Variants in GON4L observed in about 807,000 individuals in gnomAD.
GON4L encodes the protein gon-4 like, also known as GON-4-like protein.
Under a neutral mutation model 211.8 loss-of-function variants are expected in GON4L, and 87 were observed. The observed-to-expected ratio is 0.41, with a 90% CI of 0.35 to 0.49. The LOEUF is 0.49. Among genes scored for constraint, GON4L ranks in the 20% least tolerant of loss-of-function variants. GON4L has a pLI of 0.15. For missense variants in GON4L, 2,155 were observed against 2,659.5 expected (o/e 0.81, Z 4.17); for synonymous variants, 875 against 962.6 (o/e 0.91, Z 1.68).
At chr1:155,831,075 G>A (rs1669714665) in intron 2 of GON4L, among the ~76,000 whole-genome samples, 1 of 152,108 alleles carries the variant, frequency 6.6e-6, no homozygotes, top group East Asian at 1.9e-4. Context: ...GAGGTGGACA[G>A]GTCACTTGAG....
Position 155,765,566 on chromosome 1 carries a change from C to T in GON4L, c.3907G>A (p.Glu1303Lys). The change falls in exon 21 of 32, where the codon GAG (glutamate) becomes AAG (lysine). Residue 1303 changes from glutamate to lysine, a missense_variant. By Grantham distance (56) the Glu-to-Lys change is moderately conservative (BLOSUM62 1). Coordinates refer to ENST00000368331, the MANE Select transcript of GON4L (RefSeq NM_001282860.2). ...VKTEEGRQAL[E>K]PLPQGIQESL... is the part of the protein sequence containing the mutation. ...TCCTGGATGCCCTGAGGGAGCGGCTCCAGAGCTTGCCTCCCCTCCTCTGTT... is the reference window on the plus strand; with the variant it reads ...TCCTGGATGCCCTGAGGGAGCGGCTTCAGAGCTTGCCTCCCCTCCTCTGTT... The T allele has an allele frequency of 6.2e-7, 1 of 1,614,182 alleles. No homozygotes were observed. Among genetic ancestry groups the T allele is most frequent in the South Asian group, 1.1e-5 (1 of 91,082 alleles).
At chr1:155,828,304 C>T (rs532191864) in intron 2 of GON4L, among the ~76,000 whole-genome samples, 1 of 151,926 alleles carries the variant, frequency 6.6e-6, no homozygotes, top group African/African-American at 2.4e-5. Flanking sequence ...GCCTGGCCAA[C>T]ATGATGAAAC....
intron 17 of GON4L, among the ~76,000 whole-genome samples, chr1:155,774,546 T>C (rs932407671): frequency 5.9e-5 from 9 of 152,030 alleles, no homozygotes; most frequent in Admixed American, 5.9e-4. Context: ...TGACATTGTG[T>C]TCCCCGTGCC....
downstream of GON4L, chr1:155,745,856 A>C (rs767654623): frequency 2.5e-4 from 209 of 833,522 alleles, 1 homozygote; most frequent in African/African-American, 3.4e-3. Context: ...GGAGGTGCTC[A>C]CACTGCAGTT....
At position 155,760,325 on chromosome 1, in the gene GON4L, G is replaced by A; in HGVS notation, c.5109+119C>T. On this transcript the variant is annotated intron_variant, in intron 24 of 31. Transcript: ENST00000368331. ...AGAGGCTTTTATCACTCTGGGCTAG[G>A]GGATGGCTGTGTGTCTGGAAGGAGC... is the stretch of plus-strand genomic sequence containing the variant. 7.9e-6 allele frequency: 5 copies of A among 632,456 alleles called. No individual in the cohort carries two copies. In the South Asian group the frequency reaches 1.1e-4, roughly 14 times the overall value. The allele number at this position is 632,456 out of a possible 1,614,324, so 39.2% of individuals were successfully genotyped here. A position where few individuals can be genotyped will look rare whatever the true frequency, so the allele number is the denominator to read the frequency against.
In GON4L at chr1:155,765,522, G is replaced by T. The variant is rs1442685661; in HGVS notation, c.3951C>A (p.Thr1317=). Residue 1317 remains threonine, a synonymous_variant, in exon 21 of 32, where the codon ACC becomes ACA. Transcript: ENST00000368331. ...TGACAATTTCCTCTAAATCCCCAGG[G>T]GTAGGGTTGTTTAGAGACTCCTGGA... The part of the protein sequence containing the change: ...QGIQESLNNP[T]PGDLEEIVKM... 2.5e-6 allele frequency: 4 copies of T among 1,614,110 alleles called. No homozygotes were observed. The highest frequency in any genetic ancestry group is 3.4e-6 in the Non-Finnish European group (4 of 1,180,026).
chr1:155,750,794 C>CAGCAACAGAGAGAGACTCCG, intron 31 of GON4L, 61 bp from the exon 32 acceptor site: 1 of 1,501,192 alleles, frequency 6.7e-7, no homozygotes, highest in Non-Finnish European at 9.1e-7. Flanking sequence ...GACGGAGTCT[C>CAGCAACAGAGAGAGACTCCG]TCTCTGTTGC....
rs1231886431 is a variant in GON4L at position 155,767,570 on chromosome 1, A to G, written c.2647-29T>C. On this transcript the variant is annotated intron_variant, in intron 19 of 31. Transcript: ENST00000368331. ...AACATGAAAAAAATGCGCATGAATT[A>G]CATTCCTTCTGGAAACACTGTCCCC... The G allele has an allele frequency of 6.3e-6, 10 of 1,592,772 alleles. No homozygotes were observed. The South Asian group carries it at 1.0e-4, about 16-fold the overall frequency.
chr1:155,789,707 A>G (rs1370656759), intron 12 of GON4L, among the ~76,000 whole-genome samples: 1 of 152,138 alleles, frequency 6.6e-6, no homozygotes, highest in East Asian at 1.9e-4. Context: ...GGACAGCTGC[A>G]TGATAAGGCA....
chr1:155,784,505 C>A (rs1035187428), intron 13 of GON4L: 3 of 215,882 alleles, frequency 1.4e-5, no homozygotes, highest in Non-Finnish European at 2.8e-5. Flanking sequence ...CCTGCCTCAG[C>A]CTCTGCAGTA....
Position 155,826,878 on chromosome 1 carries a change from G to T in GON4L, c.656C>A (p.Pro219His), listed in dbSNP as rs753886486. 1 of 1,613,574 alleles carries T rather than the reference G, an allele frequency of 6.2e-7. No homozygotes were observed. Among genetic ancestry groups the T allele is most frequent in the Non-Finnish European group, 8.5e-7 (1 of 1,179,520 alleles). The change falls in exon 3 of 32, where the codon CCT (proline) becomes CAT (histidine). Residue 219 changes from proline (P) to histidine (H), a missense_variant. Transcript: ENST00000368331. The stretch of plus-strand genomic sequence containing the variant: ...TCCACCATCTTCTATCTCTTCCTCA[G>T]GTTGGTGAAACAGAGTCCTGAGTGG... Reference protein sequence around the residue: ...EKPLRTLFHQPEEEIEDGGLF... With the variant: ...EKPLRTLFHQHEEEIEDGGLF...
At chr1:155,777,132 T>C (rs1284422348) in intron 15 of GON4L, among the ~76,000 whole-genome samples, 1 of 152,260 alleles carries the variant, frequency 6.6e-6, no homozygotes, top group Non-Finnish European at 1.5e-5. Context: ...AGTGTCCTTG[T>C]GTGCTCTCTT....
At chr1:155,823,156 T>C (rs1668884372) in intron 3 of GON4L, among the ~76,000 whole-genome samples, 1 of 152,028 alleles carries the variant, frequency 6.6e-6, no homozygotes, top group Non-Finnish European at 1.5e-5. Context: ...CTTGAACTCC[T>C]GACCTCAGGT....
At chr1:155,773,030 G>A (rs369071961) in intron 18 of GON4L, 36 bp downstream of exon 18, 24 of 1,610,130 alleles carry the variant, frequency 1.5e-5, no homozygotes, top group African/African-American at 2.7e-5. Context: ...TCCTTGGGAT[G>A]TTCTGCTGTT....
At chr1:155,833,579 G>A (rs1426281830) in intron 2 of GON4L, among the ~76,000 whole-genome samples, 1 of 144,938 alleles carries the variant, frequency 6.9e-6, no homozygotes, top group Middle Eastern at 3.2e-3. Context: ...CCGGGAGGTG[G>A]AGCTTGCAGT....
At chr1:155,754,693 C>A (rs1199688098) in intron 27 of GON4L, among the ~76,000 whole-genome samples, 1 of 151,602 alleles carries the variant, frequency 6.6e-6, no homozygotes, top group South Asian at 2.1e-4. Flanking sequence ...CCACACCCAG[C>A]TAATTTTTGT....
chr1:155,827,776 G>A (rs1252351216), intron 2 of GON4L, among the ~76,000 whole-genome samples: 1 of 151,992 alleles, frequency 6.6e-6, no homozygotes, highest in African/African-American at 2.4e-5. Flanking sequence ...GCTGAGGCAG[G>A]AGGATCACTT....
intron 11 of GON4L, among the ~76,000 whole-genome samples, chr1:155,803,111 T>C (rs1208992647): frequency 6.6e-6 from 1 of 152,166 alleles, no homozygotes; most frequent in African/African-American, 2.4e-5. Context: ...ACTCAAACAT[T>C]TGCCAAATGA....
rs549661996 is a variant in GON4L, at chr1:155,844,250, CTT to C, written c.505+9024_505+9025del. ...AGAAAAATTCAGGAATCTCTGGACT[CTT>C]TGGCAATTGTAGCCCTGACAACAGA... On this transcript the variant is annotated intron_variant, in intron 2 of 31. Transcript: ENST00000368331. Among the ~76,000 whole-genome samples, 177 of 152,300 alleles carry C rather than the reference CTT, an allele frequency of 1.2e-3. 1 individual carries two copies. The highest frequency in any genetic ancestry group is 4.0e-3 in the African/African-American group (167 of 41,558).
Sources: gnomAD v4.1 joint callset for allele counts (sites outside exome capture counted in the v4.1 genomes callset) on GRCh38, gnomAD v4.1.1 for gene constraint, MANE v1.5 for transcripts, NCBI Gene and HGNC (gene_info 2026-07-23, HGNC 2026-07-21) for gene names.